DSCAML1: variants seen among roughly 807,000 people sequenced by gnomAD.
DSCAML1 encodes the protein cell adhesion molecule DSCAML1.
DSCAML1 carries 38 observed loss-of-function variants against 200.5 expected under a neutral mutation model. The ratio of observed to expected loss-of-function variants is 0.19; its 90% CI spans 0.15 to 0.25. The LOEUF (loss-of-function observed/expected upper bound fraction) is 0.25. Ranked by LOEUF, DSCAML1 falls within the 10% of genes least tolerant of loss-of-function variation. The pLI, the probability that DSCAML1 is intolerant of heterozygous loss-of-function variation, is 1.00. For missense variants in DSCAML1, 2,223 were observed against 2,858.8 expected (o/e 0.78, Z 5.07); for synonymous variants, 1,215 against 1,165.0 (o/e 1.04, Z -0.87).
At chr11:117,661,926 C>A (rs751729679) in intron 3 of DSCAML1, among the ~76,000 whole-genome samples, 3 of 152,224 alleles carry the variant, frequency 2.0e-5, no homozygotes, top group Non-Finnish European at 4.4e-5. Context: ...GGCTGTTGCC[C>A]ACCAAACAGT....
At chr11:117,562,517 C>G (rs190207131) in intron 3 of DSCAML1, among the ~76,000 whole-genome samples, 1 of 152,182 alleles carries the variant, frequency 6.6e-6, no homozygotes, top group Non-Finnish European at 1.5e-5. Flanking sequence ...GGCACCGAAA[C>G]GACATGTGGG....
intron 11 of DSCAML1, among the ~76,000 whole-genome samples, chr11:117,484,778 G>C (rs11216421): frequency 0.12 from 17,766 of 152,190 alleles, 1,144 homozygotes; most frequent in East Asian, 0.2. Context: ...AGGCTCGTAA[G>C]CGGACTGGGG....
At chr11:117,457,890 T>C (rs761106814) in intron 19 of DSCAML1, among the ~76,000 whole-genome samples, 1 of 152,208 alleles carries the variant, frequency 6.6e-6, no homozygotes, top group Non-Finnish European at 1.5e-5. Context: ...GCCAAGGATG[T>C]CTCCCGCTTC....
intron 3 of DSCAML1, among the ~76,000 whole-genome samples, chr11:117,730,303 G>C (rs60044901): frequency 0.097 from 14,746 of 152,126 alleles, 1,331 homozygotes; most frequent in African/African-American, 0.23. Context: ...AGCTGGAGGG[G>C]GCCAGGAGTC....
rs550225455 is a variant in DSCAML1 at position 117,461,315 on chromosome 11, C to T, written c.3412+135G>A. The stretch of plus-strand genomic sequence containing the variant: ...CCATTATCGCCCCCCGTGGTCTCCC[C>T]GTGTGGAGAAGAGGGGGCTGCACTT... On this transcript the variant is annotated intron_variant, in intron 18 of 32. Transcript: ENST00000651296. The T allele has an allele frequency of 1.8e-5, 23 of 1,306,120 alleles. No individual in the cohort carries two copies. In the East Asian group the frequency reaches 3.6e-4, roughly 20 times the overall value. 80.9% of individuals were successfully genotyped at this position (1,306,120 alleles called of 1,614,324 possible). A position where few individuals can be genotyped will look rare whatever the true frequency, so the allele number is the denominator to read the frequency against.
At chr11:117,683,870 G>A (rs2053354099) in intron 3 of DSCAML1, among the ~76,000 whole-genome samples, 3 of 152,176 alleles carry the variant, frequency 2.0e-5, no homozygotes, top group Admixed American at 1.3e-4. Context: ...ACAGCTGGCT[G>A]TCTCCTGTCA....
At position 117,505,506 on chromosome 11, in the gene DSCAML1, G is replaced by A. The variant is rs371780070; in HGVS notation, c.2010C>T (p.Ile670=). The change falls in exon 9 of 33, where the codon ATC becomes ATT. Residue 670 remains isoleucine, a synonymous_variant. Coordinates refer to ENST00000651296, the MANE Select transcript of DSCAML1 (RefSeq NM_020693.4). The surrounding 1 kb of genome is among the most constrained non-coding windows in gnomAD (Gnocchi z 6.7). Reference sequence around the variant, plus strand: ...TCACGGTGGCGGCTGCGTTGCTGGCGATGCATGTATAGTTGCCGTTGTGCT... The same window carrying A: ...TCACGGTGGCGGCTGCGTTGCTGGCAATGCATGTATAGTTGCCGTTGTGCT... The part of the protein sequence containing the change: ...SLKHNGNYTC[I]ASNAAATVSR... 108 of 1,613,000 alleles carry A rather than the reference G, an allele frequency of 6.7e-5. No individual in the cohort carries two copies. Among genetic ancestry groups the A allele is most frequent in the South Asian group, 4.2e-4 (38 of 91,064 alleles).
intron 3 of DSCAML1, among the ~76,000 whole-genome samples, chr11:117,645,671 A>G (rs1054463695): frequency 6.8e-6 from 1 of 146,700 alleles, no homozygotes; most frequent in Non-Finnish European, 1.5e-5. Flanking sequence ...AACACCGCAT[A>G]TTCTCACTCA....
intron 3 of DSCAML1, among the ~76,000 whole-genome samples, chr11:117,556,937 T>C (rs1216450992): frequency 6.6e-6 from 1 of 152,130 alleles, no homozygotes; most frequent in Non-Finnish European, 1.5e-5. Flanking sequence ...TGGAGGATGC[T>C]AGTAAAGCGG....
chr11:117,593,508 C>T (rs1008289559), intron 3 of DSCAML1, among the ~76,000 whole-genome samples: 6 of 152,282 alleles, frequency 3.9e-5, no homozygotes, highest in East Asian at 1.9e-4. Flanking sequence ...TGTCTGCCAC[C>T]GGGGCCTGTG....
At chr11:117,481,835 G>A in intron 12 of DSCAML1, 128 bp downstream of exon 12, 2 of 968,884 alleles carry the variant, frequency 2.1e-6, no homozygotes, top group Non-Finnish European at 3.1e-6. Context: ...GAAAGGGGAG[G>A]TACATTTTTG....
chr11:117,577,557 T>C, intron 3 of DSCAML1, among the ~76,000 whole-genome samples: 1 of 121,662 alleles, frequency 8.2e-6, no homozygotes, highest in African/African-American at 3.2e-5. Flanking sequence ...CCTCCCTCCC[T>C]CCTTCCTTCT....
intron 15 of DSCAML1, among the ~76,000 whole-genome samples, chr11:117,470,844 T>C (rs1374241108): frequency 6.6e-6 from 1 of 151,842 alleles, no homozygotes; most frequent in Non-Finnish European, 1.5e-5. Flanking sequence ...TGAATGAAAC[T>C]TGCAAAAGTA....
At chr11:117,578,766 TC>T (rs915026911) in intron 3 of DSCAML1, among the ~76,000 whole-genome samples, 1 of 152,140 alleles carries the variant, frequency 6.6e-6, no homozygotes, top group African/African-American at 2.4e-5. Context: ...TGGCTGGAAG[TC>T]CCTCCCATAT....
At chr11:117,628,248 C>A (rs1050294627) in intron 3 of DSCAML1, among the ~76,000 whole-genome samples, 1 of 152,140 alleles carries the variant, frequency 6.6e-6, no homozygotes, top group African/African-American at 2.4e-5. Flanking sequence ...GGAACTTAGG[C>A]AAGGATGGAG....
At chr11:117,643,725 G>C (rs183790836) in intron 3 of DSCAML1, among the ~76,000 whole-genome samples, 1 of 152,112 alleles carries the variant, frequency 6.6e-6, no homozygotes, top group African/African-American at 2.4e-5. Context: ...AACAATGCTC[G>C]GGTGATCACC....
intron 18 of DSCAML1, among the ~76,000 whole-genome samples, chr11:117,460,063 G>C (rs918550600): frequency 6.6e-6 from 1 of 152,246 alleles, no homozygotes; most frequent in African/African-American, 2.4e-5. Flanking sequence ...CAGGAGTCCA[G>C]CTTGTCTTTG....
At chr11:117,727,761 G>A (rs1338841728) in intron 3 of DSCAML1, among the ~76,000 whole-genome samples, 1 of 152,232 alleles carries the variant, frequency 6.6e-6, no homozygotes, top group African/African-American at 2.4e-5. Context: ...CAGGCGAGGT[G>A]AAGGGGCTGT....
intron 30 of DSCAML1, 82 bp from the exon 31 acceptor site, chr11:117,431,810 G>A (rs2047803387): frequency 1.5e-6 from 2 of 1,373,902 alleles, no homozygotes; most frequent in Admixed American, 4.8e-5. Context: ...AGAAAGGGCA[G>A]GGGGGAGCAA....
Sources: allele counts gnomAD v4.1 joint callset (sites outside exome capture counted in the v4.1 genomes callset), GRCh38; gene constraint gnomAD v4.1.1; non-coding constraint Gnocchi (gnomAD v3.1); transcripts MANE v1.5; gene names NCBI Gene and HGNC (gene_info 2026-07-23, HGNC 2026-07-21).